Variants in PTPRD observed in about 807,000 individuals in gnomAD.
PTPRD encodes the protein protein tyrosine phosphatase receptor type D, also known as receptor-type tyrosine-protein phosphatase delta.
PTPRD carries 34 observed loss-of-function variants against 214.5 expected under a neutral mutation model. The ratio of observed to expected loss-of-function variants is 0.16; its 90% CI spans 0.12 to 0.21. The LOEUF (loss-of-function observed/expected upper bound fraction) is 0.21. PTPRD is among the 10% of genes least tolerant of loss of function. PTPRD has a pLI of 1.00. For missense variants in PTPRD, 2,545 were observed against 2,398.7 expected (o/e 1.06, Z -1.27); for synonymous variants, 1,128 against 845.7 (o/e 1.33, Z -5.79).
At chr9:9,206,516 G>A (rs1381968127) in intron 9 of PTPRD, among the ~76,000 whole-genome samples, 1 of 152,124 alleles carries the variant, frequency 6.6e-6, no homozygotes. Context: ...TGAGGTTGTT[G>A]CCAAAAGAGA....
intron 30 of PTPRD, among the ~76,000 whole-genome samples, chr9:8,473,280 G>A (rs941609420): frequency 1.3e-5 from 2 of 152,058 alleles, no homozygotes; most frequent in Non-Finnish European, 2.9e-5. Context: ...AATGATCAAG[G>A]AGGATGAGGA....
intron 9 of PTPRD, among the ~76,000 whole-genome samples, chr9:9,352,115 A>C (rs978343503): frequency 6.6e-6 from 1 of 151,650 alleles, no homozygotes; most frequent in Non-Finnish European, 1.5e-5. Flanking sequence ...TGGCCCTTGC[A>C]TTTTTTATCA....
intron 3 of PTPRD, among the ~76,000 whole-genome samples, chr9:10,318,338 T>G (rs992198899): frequency 2.0e-5 from 3 of 152,162 alleles, no homozygotes; most frequent in African/African-American, 7.2e-5. Flanking sequence ...TGTCCTCTTG[T>G]GTATCTTTGA....
chr9:9,256,936 T>A (rs1041786711), intron 9 of PTPRD, among the ~76,000 whole-genome samples: 1 of 151,980 alleles, frequency 6.6e-6, no homozygotes, highest in Non-Finnish European at 1.5e-5. Context: ...TTATGCACCA[T>A]CCCCAGAAAA....
intron 44 of PTPRD, among the ~76,000 whole-genome samples, chr9:8,321,497 A>G (rs1385000604): frequency 6.5e-4 from 53 of 81,440 alleles, no homozygotes; most frequent in Non-Finnish European, 7.4e-4. Flanking sequence ...GTATATATAT[A>G]TATATATATA....
At chr9:8,451,585 T>TA (rs2095953514) in intron 33 of PTPRD, among the ~76,000 whole-genome samples, 1 of 152,176 alleles carries the variant, frequency 6.6e-6, no homozygotes, top group South Asian at 2.1e-4. Context: ...CTCACCACAC[T>TA]AAGAGATTCC....
intron 2 of PTPRD, among the ~76,000 whole-genome samples, chr9:10,425,440 A>G (rs1045234789): frequency 1.3e-5 from 2 of 151,824 alleles, no homozygotes; most frequent in African/African-American, 2.4e-5. Context: ...CTTTCTCTCT[A>G]TCTCTCTCCC....
intron 14 of PTPRD, among the ~76,000 whole-genome samples, chr9:8,538,791 C>A (rs1237485496): frequency 6.6e-6 from 1 of 151,844 alleles, no homozygotes; most frequent in Non-Finnish European, 1.5e-5. Context: ...AGCAGTAATA[C>A]CCAGTAGCAA....
At chr9:10,241,924 C>T (rs10756013) in intron 3 of PTPRD, among the ~76,000 whole-genome samples, 86,051 of 151,740 alleles carry the variant, frequency 0.57, 25,352 homozygotes, top group East Asian at 0.73. Context: ...AAATAACTAA[C>T]GGCACATAAA....
At chr9:9,584,321 A>G (rs1052687108) in intron 7 of PTPRD, among the ~76,000 whole-genome samples, 3 of 151,470 alleles carry the variant, frequency 2.0e-5, no homozygotes, top group Admixed American at 6.6e-5. Flanking sequence ...AATTTTTGGA[A>G]AAGAAAGCTA....
chr9:10,115,073 C>G (rs1236866913), intron 3 of PTPRD, among the ~76,000 whole-genome samples: 1 of 151,610 alleles, frequency 6.6e-6, no homozygotes, highest in Non-Finnish European at 1.5e-5. Flanking sequence ...AGTGCTATCT[C>G]TCACAGCCTG....
At chr9:8,354,097 A>G (rs992173545) in intron 39 of PTPRD, among the ~76,000 whole-genome samples, 6 of 151,304 alleles carry the variant, frequency 4.0e-5, no homozygotes, top group Non-Finnish European at 8.8e-5. Flanking sequence ...TATTTATTAC[A>G]TAATAAATTG....
chr9:8,856,540 A>AAT (rs143084012), intron 11 of PTPRD, among the ~76,000 whole-genome samples: 10,295 of 151,940 alleles, frequency 0.068, 357 homozygotes, highest in Non-Finnish European at 0.074. Flanking sequence ...TGCACATGTA[A>AAT]ATATATATAT....
intron 10 of PTPRD, among the ~76,000 whole-genome samples, chr9:9,049,706 C>G (rs2099680982): frequency 6.6e-6 from 1 of 152,060 alleles, no homozygotes; most frequent in African/African-American, 2.4e-5. Flanking sequence ...CATGCAGGCC[C>G]TATACCACAG....
At chr9:8,896,151 A>T (rs993852480) in intron 11 of PTPRD, among the ~76,000 whole-genome samples, 1 of 152,188 alleles carries the variant, frequency 6.6e-6, no homozygotes, top group East Asian at 1.9e-4. Context: ...AAGTGAATAA[A>T]CTGGGGGAAA....
intron 5 of PTPRD, among the ~76,000 whole-genome samples, chr9:9,812,954 T>A (rs1205751724): frequency 1.3e-5 from 2 of 152,224 alleles, no homozygotes; most frequent in East Asian, 3.9e-4. Context: ...TCATATTTGG[T>A]AAGATTGGTA....
intron 11 of PTPRD, among the ~76,000 whole-genome samples, chr9:8,804,085 T>C (rs1367441697): frequency 6.6e-6 from 1 of 151,910 alleles, no homozygotes; most frequent in Non-Finnish European, 1.5e-5. Context: ...CCTTAGTAAC[T>C]GGGATTAGAG....
chr9:9,388,347 AG>A (rs1362217372), intron 9 of PTPRD, among the ~76,000 whole-genome samples: 1 of 152,174 alleles, frequency 6.6e-6, no homozygotes, highest in Non-Finnish European at 1.5e-5. Context: ...AGCTTTAGCC[AG>A]GGACCACACA....
Position 8,407,391 on chromosome 9 carries a change from G to A in PTPRD, c.4087-2731C>T, listed in dbSNP as rs538450443. Among the ~76,000 whole-genome samples the A allele has an allele frequency of 5.3e-5, 8 of 152,242 alleles. No individual in the cohort carries two copies. In the East Asian group the frequency reaches 1.5e-3, roughly 29 times the overall value. On this transcript the variant is annotated intron_variant, in intron 35 of 45. Coordinates refer to ENST00000381196, the MANE Select transcript of PTPRD (RefSeq NM_002839.4). ...TTACTGAGGGCCTACTTCGTGACAG[G>A]CTCTGTGCTACTTGGTACTTAAGTA...
Sources: gnomAD v4.1 joint callset for allele counts (sites outside exome capture counted in the v4.1 genomes callset) on GRCh38, gnomAD v4.1.1 for gene constraint, MANE v1.5 for transcripts, NCBI Gene and HGNC (gene_info 2026-07-23, HGNC 2026-07-21) for gene names.